PTPRQ: variants seen among roughly 807,000 people sequenced by gnomAD.
PTPRQ encodes phosphatidylinositol phosphatase PTPRQ.
Under a neutral mutation model 246.0 loss-of-function variants are expected in PTPRQ, and 199 were observed. The observed-to-expected ratio is 0.81, with a 90% CI of 0.72 to 0.91. The LOEUF is 0.91. PTPRQ is among the 40% of genes least tolerant of loss of function. The pLI, the probability that PTPRQ is intolerant of heterozygous loss-of-function variation, is 0.00. For missense variants in PTPRQ, 2,624 were observed against 2,528.4 expected, an observed-to-expected ratio of 1.04 and a Z score of -0.81; for synonymous variants, 869 against 853.2, an observed-to-expected ratio of 1.02 and a Z score of -0.32.
chr12:80,496,189 G>C, intron 13 of PTPRQ, 61 bp from the exon 14 acceptor site: 1 of 1,542,476 alleles, frequency 6.5e-7, no homozygotes, highest in Non-Finnish European at 8.7e-7. Context: ...TACCTCTAGG[G>C]TCTAAAGCAA....
At chr12:80,444,640 A>ATATAGTGAAGAGTTAATTTTTGT in intron 1 of PTPRQ, 101 bp from the exon 2 acceptor site, 2 of 837,022 alleles carry the variant, frequency 2.4e-6, no homozygotes, top group South Asian at 2.9e-5. Context: ...GTGCAGAGTT[A>ATATAGTGAAGAGTTAATTTTTGT]TATAGTGAAG....
intron 26 of PTPRQ, among the ~76,000 whole-genome samples, chr12:80,603,848 T>A (rs1469456278): frequency 6.6e-6 from 1 of 151,638 alleles, no homozygotes; most frequent in Admixed American, 6.6e-5. Flanking sequence ...TGCTCTCTCA[T>A]TGTAGATTAT....
intron 28 of PTPRQ, among the ~76,000 whole-genome samples, chr12:80,612,656 G>A (rs530187266): frequency 6.7e-6 from 1 of 150,288 alleles, no homozygotes; most frequent in Non-Finnish European, 1.5e-5. Flanking sequence ...TGAAATTACT[G>A]TGTGACCCAG....
At chr12:80,487,031 G>A (rs1371484581) in intron 9 of PTPRQ, among the ~76,000 whole-genome samples, 1 of 152,066 alleles carries the variant, frequency 6.6e-6, no homozygotes, top group Non-Finnish European at 1.5e-5. Flanking sequence ...ATGTTCCACA[G>A]AGCTTTGGTT....
At chr12:80,624,869 C>T (rs574547962) in intron 33 of PTPRQ, among the ~76,000 whole-genome samples, 11 of 152,244 alleles carry the variant, frequency 7.2e-5, no homozygotes, top group African/African-American at 2.6e-4. Flanking sequence ...ATATAAAATA[C>T]ATCAACACTA....
chr12:80,477,644 C>G (rs1246572715), intron 8 of PTPRQ, among the ~76,000 whole-genome samples: 2 of 152,266 alleles, frequency 1.3e-5, no homozygotes, highest in South Asian at 4.1e-4. Flanking sequence ...TAGGGCCAGA[C>G]AGTGGGCGCA....
intron 42 of PTPRQ, among the ~76,000 whole-genome samples, chr12:80,672,199 C>T (rs1355840785): frequency 6.6e-6 from 1 of 151,808 alleles, no homozygotes; most frequent in South Asian, 2.1e-4. Flanking sequence ...TTCCTCTGGA[C>T]TATAAACTCT....
chr12:80,476,787 C>A (rs1893824441), intron 8 of PTPRQ, among the ~76,000 whole-genome samples: 1 of 152,162 alleles, frequency 6.6e-6, no homozygotes, highest in South Asian at 2.1e-4. Flanking sequence ...GAAAGTGTAA[C>A]AACAATCTGA....
At chr12:80,545,212 G>A (rs1013871008) in intron 23 of PTPRQ, among the ~76,000 whole-genome samples, 7 of 152,026 alleles carry the variant, frequency 4.6e-5, no homozygotes, top group African/African-American at 1.7e-4. Flanking sequence ...CTTGATGGCA[G>A]GGACCATGCC....
chr12:80,520,825 G>A (rs1424401905), intron 17 of PTPRQ, among the ~76,000 whole-genome samples: 2 of 152,014 alleles, frequency 1.3e-5, no homozygotes, highest in African/African-American at 4.8e-5. Flanking sequence ...AAACATACGT[G>A]TGCATGTGTC....
intron 38 of PTPRQ, among the ~76,000 whole-genome samples, chr12:80,656,949 A>C (rs1900462029): frequency 6.6e-6 from 1 of 151,688 alleles, no homozygotes; most frequent in African/African-American, 2.4e-5. Flanking sequence ...TGAAATTTTC[A>C]GAAGAAACAG....
rs560643385 is a variant in PTPRQ, at chr12:80,464,037, A to G, written c.910+3135A>G. Among the ~76,000 whole-genome samples the G allele has an allele frequency of 5.3e-5, 8 of 152,256 alleles. No individual in the cohort carries two copies. The South Asian group carries it at 1.7e-3, about 32-fold the overall frequency. ...ATAACAATATTAACTTTAAATGTAA[A>G]TGGACTAAATGCTCCAATTAAAAGA... On this transcript the variant is annotated intron_variant, in intron 6 of 44. Coordinates refer to ENST00000644991, the MANE Select transcript of PTPRQ (RefSeq NM_001145026.2).
chr12:80,645,712 T>C (rs1039772786), intron 35 of PTPRQ, among the ~76,000 whole-genome samples: 1 of 151,822 alleles, frequency 6.6e-6, no homozygotes, highest in African/African-American at 2.4e-5. Context: ...TAGAACAGAG[T>C]AAGATCGATA....
chr12:80,554,383 C>T (rs1388467185), intron 25 of PTPRQ, among the ~76,000 whole-genome samples: 2 of 152,008 alleles, frequency 1.3e-5, no homozygotes, highest in Non-Finnish European at 2.9e-5. Context: ...AATTTAAAAC[C>T]AGTTAAAACA....
intron 17 of PTPRQ, among the ~76,000 whole-genome samples, chr12:80,530,120 T>G (rs1349007848): frequency 1.3e-5 from 2 of 152,188 alleles, no homozygotes; most frequent in Non-Finnish European, 2.9e-5. Flanking sequence ...CTCCCTATCC[T>G]ACTCTCAAAC....
At chr12:80,671,563 G>A (rs1592781716) in intron 42 of PTPRQ, among the ~76,000 whole-genome samples, 1 of 152,016 alleles carries the variant, frequency 6.6e-6, no homozygotes, top group Non-Finnish European at 1.5e-5. Flanking sequence ...TCATATTATT[G>A]ACCATCTTTA....
chr12:80,469,810 G>T (rs1393680993), intron 7 of PTPRQ, among the ~76,000 whole-genome samples: 1 of 152,170 alleles, frequency 6.6e-6, no homozygotes, highest in Non-Finnish European at 1.5e-5. Context: ...TGACATTATT[G>T]TTCAATACTT....
At chr12:80,630,879 G>A (rs1372408666) in intron 33 of PTPRQ, among the ~76,000 whole-genome samples, 2 of 152,056 alleles carry the variant, frequency 1.3e-5, no homozygotes, top group East Asian at 1.9e-4. Context: ...ACCACGCCCA[G>A]CTAATTTTTG....
At chr12:80,539,602 A>G (rs1283251588) in intron 19 of PTPRQ, among the ~76,000 whole-genome samples, 174 bp from the exon 20 acceptor site, 1 of 152,096 alleles carries the variant, frequency 6.6e-6, no homozygotes, top group Non-Finnish European at 1.5e-5. Context: ...CTTTTAGTAC[A>G]AACATATTTC....
Sources: allele counts gnomAD v4.1 joint callset (sites outside exome capture counted in the v4.1 genomes callset), GRCh38; gene constraint gnomAD v4.1.1; transcripts MANE v1.5; gene names NCBI Gene and HGNC (gene_info 2026-07-23, HGNC 2026-07-21).